Variants in KCNK10 observed in about 807,000 individuals in gnomAD.
KCNK10 encodes the protein potassium two pore domain channel subfamily K member 10, also known as potassium channel subfamily K member 10.
Under a neutral mutation model 47.7 loss-of-function variants are expected in KCNK10, and 25 were observed. The observed-to-expected ratio is 0.52, with a 90% CI of 0.38 to 0.73. The LOEUF is 0.73. Ranked by LOEUF, KCNK10 falls within the 30% of genes least tolerant of loss-of-function variation. KCNK10 has a pLI of 0.00. For missense variants in KCNK10, 563 were observed against 714.5 expected, an observed-to-expected ratio of 0.79 and a Z score of 2.42; for synonymous variants, 303 against 285.6, an observed-to-expected ratio of 1.06 and a Z score of -0.61.
intron 6 of KCNK10, among the ~76,000 whole-genome samples, chr14:88,187,626 C>CA (rs11435414): frequency 0.55 from 78,007 of 140,940 alleles, 22,020 homozygotes; most frequent in East Asian, 0.76. Context: ...ACAGGCTGCA[C>CA]CCCCCCACAC....
intron 4 of KCNK10, among the ~76,000 whole-genome samples, chr14:88,198,756 T>C (rs1030918955): frequency 2.6e-5 from 4 of 152,196 alleles, no homozygotes; most frequent in Admixed American, 2.6e-4. Context: ...CCCTTCCTTT[T>C]GGGAGTTACC....
intron 5 of KCNK10, among the ~76,000 whole-genome samples, chr14:88,190,979 G>C (rs1884725191): frequency 6.6e-6 from 1 of 152,124 alleles, no homozygotes; most frequent in Admixed American, 6.5e-5. Context: ...AGGTGCAGTG[G>C]CTCACACCTG....
intron 1 of KCNK10, among the ~76,000 whole-genome samples, chr14:88,316,910 T>G (rs192700947): frequency 3.2e-4 from 49 of 152,332 alleles, no homozygotes; most frequent in Non-Finnish European, 5.7e-4. Flanking sequence ...GGGGAAAGAC[T>G]ATATTATATT....
upstream of KCNK10, among the ~76,000 whole-genome samples, chr14:88,325,679 GCCTCCAGGC>G (rs75433010): frequency 0.32 from 47,957 of 151,748 alleles, 7,756 homozygotes; most frequent in East Asian, 0.36. Flanking sequence ...TATTTTCCAA[GCCTCCAGGC>G]CCTCCTCCTT....
At chr14:88,248,520 G>A (rs1305505486) in intron 2 of KCNK10, among the ~76,000 whole-genome samples, 3 of 152,092 alleles carry the variant, frequency 2.0e-5, no homozygotes, top group Non-Finnish European at 4.4e-5. Context: ...CTTGAGCGCA[G>A]GAGTTCAAGG....
upstream of KCNK10, among the ~76,000 whole-genome samples, chr14:88,325,224 C>A (rs1348195353): frequency 6.6e-6 from 1 of 152,142 alleles, no homozygotes; most frequent in Non-Finnish European, 1.5e-5. Flanking sequence ...TTCGAACCTC[C>A]CTCTGCGCTC....
At chr14:88,301,836 G>T (rs1031418145) in intron 1 of KCNK10, among the ~76,000 whole-genome samples, 1 of 152,106 alleles carries the variant, frequency 6.6e-6, no homozygotes, top group South Asian at 2.1e-4. Flanking sequence ...ATTTTATGCC[G>T]AGTGGAAAGA....
At chr14:88,242,639 CTT>C (rs1053046598) in intron 2 of KCNK10, among the ~76,000 whole-genome samples, 1 of 152,202 alleles carries the variant, frequency 6.6e-6, no homozygotes, top group African/African-American at 2.4e-5. Flanking sequence ...TACAGACTGT[CTT>C]TGCATAAATC....
At chr14:88,284,155 C>A (rs1449065471) in intron 1 of KCNK10, among the ~76,000 whole-genome samples, 1 of 151,842 alleles carries the variant, frequency 6.6e-6, no homozygotes, top group Non-Finnish European at 1.5e-5. Context: ...TTTTTAGGAC[C>A]CAAAAGATTC....
chr14:88,308,387 C>T (rs1373096485), intron 1 of KCNK10, among the ~76,000 whole-genome samples: 3 of 152,218 alleles, frequency 2.0e-5, no homozygotes, highest in Non-Finnish European at 4.4e-5. Flanking sequence ...CCCAGACTGG[C>T]ATCCGTGGTT....
intron 3 of KCNK10, among the ~76,000 whole-genome samples, chr14:88,232,850 TA>T (rs1886193429): frequency 6.6e-6 from 1 of 152,192 alleles, no homozygotes; most frequent in African/African-American, 2.4e-5. Flanking sequence ...TTCCTGTGCA[TA>T]ATTGGTATGA....
At chr14:88,211,316 C>T (rs1288924827) in intron 4 of KCNK10, among the ~76,000 whole-genome samples, 2 of 152,098 alleles carry the variant, frequency 1.3e-5, no homozygotes, top group Non-Finnish European at 2.9e-5. Context: ...AATTCATAGA[C>T]ACAGAAAGTA....
chr14:88,321,794 C>T (rs562091722), intron 1 of KCNK10, among the ~76,000 whole-genome samples: 2 of 152,314 alleles, frequency 1.3e-5, no homozygotes, highest in South Asian at 4.1e-4. Context: ...CCCAAATAAA[C>T]AAATTTCAAT....
chr14:88,223,752 CCTT>C (rs1262234124), intron 4 of KCNK10, among the ~76,000 whole-genome samples: 9 of 152,210 alleles, frequency 5.9e-5, no homozygotes, highest in African/African-American at 1.9e-4. Context: ...AGAAAAGTAT[CCTT>C]CTGCATTGAG....
intron 2 of KCNK10, among the ~76,000 whole-genome samples, chr14:88,262,899 A>C (rs1214828026): frequency 6.6e-6 from 1 of 152,182 alleles, no homozygotes; most frequent in African/African-American, 2.4e-5. Flanking sequence ...GTTCAGAATC[A>C]AGGAGTTAAT....
At chr14:88,256,406 C>T (rs1886956375) in intron 2 of KCNK10, among the ~76,000 whole-genome samples, 1 of 152,176 alleles carries the variant, frequency 6.6e-6, no homozygotes, top group Non-Finnish European at 1.5e-5. Flanking sequence ...GTGCCTCAAA[C>T]CAGAGAAGCA....
At chr14:88,217,726 A>AAT (rs200029708) in intron 4 of KCNK10, among the ~76,000 whole-genome samples, 1,394 of 126,002 alleles carry the variant, frequency 0.011, 8 homozygotes, top group Non-Finnish European at 0.016. Context: ...AAGTAATTTG[A>AAT]ATCTTTTTTT....
chr14:88,218,150 CG>C (rs1885683907), intron 4 of KCNK10, among the ~76,000 whole-genome samples: 1 of 152,102 alleles, frequency 6.6e-6, no homozygotes, highest in African/African-American at 2.4e-5. Flanking sequence ...TGGACCACTG[CG>C]CCTGCCTCTT....
At chr14:88,254,420 C>T (rs182437470) in intron 2 of KCNK10, among the ~76,000 whole-genome samples, 1 of 152,120 alleles carries the variant, frequency 6.6e-6, no homozygotes, top group South Asian at 2.1e-4. Context: ...GAGGCTATGA[C>T]CAGAAGAAAT....
Sources: gnomAD v4.1 joint callset for allele counts (sites outside exome capture counted in the v4.1 genomes callset) on GRCh38, gnomAD v4.1.1 for gene constraint, MANE v1.5 for transcripts, NCBI Gene and HGNC (gene_info 2026-07-23, HGNC 2026-07-21) for gene names.